CLASP2: variants seen among roughly 807,000 people sequenced by gnomAD.
The protein encoded by CLASP2 is cytoplasmic linker associated protein 2.
Under a neutral mutation model 194.4 loss-of-function variants are expected in CLASP2, and 47 were observed. The ratio of observed to expected loss-of-function variants is 0.24; its 90% CI spans 0.19 to 0.31. The LOEUF (loss-of-function observed/expected upper bound fraction) is 0.31. Ranked by LOEUF, CLASP2 falls within the 10% of genes least tolerant of loss-of-function variation. The pLI, the probability that CLASP2 is intolerant of heterozygous loss-of-function variation, is 1.00. For missense variants in CLASP2, 1,445 were observed against 1,823.6 expected, an observed-to-expected ratio of 0.79 and a Z score of 3.78; for synonymous variants, 619 against 633.5, an observed-to-expected ratio of 0.98 and a Z score of 0.34.
chr3:33,553,838 TTCCAC>T (rs1261879134), intron 29 of CLASP2, among the ~76,000 whole-genome samples: 2 of 152,190 alleles, frequency 1.3e-5, no homozygotes, highest in African/African-American at 2.4e-5. Context: ...TGATCCAGCA[TTCCAC>T]TAGTGGGTAT....
chr3:33,619,842 T>C (rs1422433415), intron 11 of CLASP2, 104 bp from the exon 12 acceptor site: 2 of 998,168 alleles, frequency 2.0e-6, no homozygotes, highest in African/African-American at 1.7e-5. Context: ...TAGGAATTTG[T>C]ATTTTAATCA....
chr3:33,695,928 A>T (rs2154350709), intron 2 of CLASP2, among the ~76,000 whole-genome samples: 1 of 152,366 alleles, frequency 6.6e-6, no homozygotes, highest in Admixed American at 6.5e-5. Flanking sequence ...AAAATAAGTC[A>T]GAGCCAACTT....
chr3:33,696,277 G>A (rs1370537182), intron 2 of CLASP2, among the ~76,000 whole-genome samples: 1 of 149,758 alleles, frequency 6.7e-6, no homozygotes, highest in Non-Finnish European at 1.5e-5. Context: ...CTGAAACATG[G>A]CACTGTAAGT....
rs1559702668 is a variant in CLASP2 at position 33,708,496 on chromosome 3, A to G, written c.195+9312T>C. Among the ~76,000 whole-genome samples, 7 of 89,008 alleles carry G rather than the reference A, an allele frequency of 7.9e-5. No individual in the cohort carries two copies. In the South Asian group the frequency reaches 1.4e-3, roughly 18 times the overall value. 58.4% of individuals were successfully genotyped at this position (89,008 alleles called of 152,430 possible). On this transcript the variant is annotated intron_variant, in intron 1 of 38. Transcript: ENST00000682230. ...GGTGTGTGTGTGTGTGTATGTATAT[A>G]TATATATATGTATATATATGTATAT...
intron 6 of CLASP2, among the ~76,000 whole-genome samples, chr3:33,683,859 G>C (rs1476299508): frequency 6.7e-6 from 1 of 149,156 alleles, no homozygotes; most frequent in Non-Finnish European, 1.5e-5. Context: ...GGAATCACTT[G>C]AGCCCAGGAT....
At chr3:33,580,401 A>T (rs1000422495) in intron 23 of CLASP2, among the ~76,000 whole-genome samples, 1 of 151,972 alleles carries the variant, frequency 6.6e-6, no homozygotes, top group Non-Finnish European at 1.5e-5. Context: ...CATCTCTACT[A>T]AAAATAGAAA....
At chr3:33,670,390 C>T (rs951082542) in intron 6 of CLASP2, among the ~76,000 whole-genome samples, 46 of 152,080 alleles carry the variant, frequency 3.0e-4, no homozygotes, top group Admixed American at 2.5e-3. Context: ...ACTAATGATT[C>T]GTGCACTTTT....
chr3:33,658,952 A>G, intron 7 of CLASP2: 1 of 1,528,460 alleles, frequency 6.5e-7, no homozygotes, highest in Middle Eastern at 1.7e-4. Context: ...CAAGCAAAAG[A>G]AGAAAAATAA....
Position 33,573,384 on chromosome 3 carries a change from T to C in CLASP2, c.2455-30A>G, listed in dbSNP as rs111789832. 275 of 1,606,682 alleles carry C rather than the reference T, an allele frequency of 1.7e-4. 3 individuals carry two copies. The South Asian group carries it at 2.8e-3, about 17-fold the overall frequency. On this transcript the variant is annotated intron_variant, in intron 24 of 38. Coordinates refer to ENST00000682230, the MANE Select transcript of CLASP2 (RefSeq NM_001365631.1). ...TATACATCAAGAATCTCATTAGCAG[T>C]AGCCAAAAGAATATATTGGTATTTC...
At chr3:33,566,680 T>C in intron 27 of CLASP2, 52 bp downstream of exon 27, 1 of 433,006 alleles carries the variant, frequency 2.3e-6, no homozygotes, top group South Asian at 1.7e-5. Flanking sequence ...AAGGGTTAAT[T>C]TCACAGTCAT....
chr3:33,588,498 G>A (rs757837109), intron 21 of CLASP2, among the ~76,000 whole-genome samples: 5 of 151,836 alleles, frequency 3.3e-5, no homozygotes, highest in African/African-American at 4.8e-5. Context: ...TTATATCCAC[G>A]GTATTAACTT....
chr3:33,517,762 A>G (rs1391442262), intron 34 of CLASP2, among the ~76,000 whole-genome samples: 1 of 152,046 alleles, frequency 6.6e-6, no homozygotes, highest in African/African-American at 2.4e-5. Flanking sequence ...CCCAGGCTCA[A>G]TTGATCCTCC....
In CLASP2 at chr3:33,590,644, C is replaced by T. The variant is rs142963482; in HGVS notation, c.2068+1751G>A. Among the ~76,000 whole-genome samples the T allele has an allele frequency of 6.2e-4, 95 of 152,232 alleles. 1 individual carries two copies. The highest frequency in any genetic ancestry group is 4.8e-3 in the Admixed American group (73 of 15,282). On this transcript the variant is annotated intron_variant, in intron 21 of 38. Transcript: ENST00000682230. Reference sequence around the variant, plus strand: ...CTCAAGTTGCAAACCAATTTACTTCCGCTTATTTTTAGGACTCTTCTTGGT... The same window carrying T: ...CTCAAGTTGCAAACCAATTTACTTCTGCTTATTTTTAGGACTCTTCTTGGT...
intron 6 of CLASP2, among the ~76,000 whole-genome samples, chr3:33,678,725 A>C (rs1372604279): frequency 6.6e-6 from 1 of 152,208 alleles, no homozygotes; most frequent in Non-Finnish European, 1.5e-5. Flanking sequence ...TAAGTGTAAG[A>C]CTTTACGAGG....
intron 9 of CLASP2, among the ~76,000 whole-genome samples, chr3:33,628,948 CT>C (rs2078555098): frequency 6.6e-6 from 1 of 151,668 alleles, no homozygotes; most frequent in Non-Finnish European, 1.5e-5. Flanking sequence ...TCACAAGCAC[CT>C]AAAATTAAAC....
chr3:33,572,092 T>C (rs2063890551), intron 25 of CLASP2, among the ~76,000 whole-genome samples: 1 of 152,220 alleles, frequency 6.6e-6, no homozygotes, highest in Non-Finnish European at 1.5e-5. Flanking sequence ...GATAAAATCA[T>C]TCTAAACTAT....
intron 10 of CLASP2, among the ~76,000 whole-genome samples, chr3:33,624,081 A>G (rs375311415): frequency 2.6e-5 from 4 of 152,192 alleles, no homozygotes; most frequent in East Asian, 1.9e-4. Flanking sequence ...TGTTATCCAC[A>G]TGAAAACCAG....
At chr3:33,615,923 C>G (rs2076076368) in intron 12 of CLASP2, among the ~76,000 whole-genome samples, 1 of 151,696 alleles carries the variant, frequency 6.6e-6, no homozygotes, top group Non-Finnish European at 1.5e-5. Flanking sequence ...CACTGAGATG[C>G]TGCCAAAGCC....
intron 1 of CLASP2, among the ~76,000 whole-genome samples, chr3:33,700,692 C>CA (rs907146142): frequency 1.5e-4 from 23 of 151,088 alleles, no homozygotes; most frequent in Middle Eastern, 3.4e-3. Context: ...CTAAAAAATA[C>CA]AAAAAAAATT....
Sources: gnomAD v4.1 joint callset for allele counts (sites outside exome capture counted in the v4.1 genomes callset) on GRCh38, gnomAD v4.1.1 for gene constraint, MANE v1.5 for transcripts, NCBI Gene and HGNC (gene_info 2026-07-23, HGNC 2026-07-21) for gene names.